The following LMNTD1 variants were observed in gnomAD, a reference collection of about 807,000 sequenced individuals.
The protein encoded by LMNTD1 is lamin tail domain containing 1.
LMNTD1 carries 35 observed loss-of-function variants against 50.9 expected under a neutral mutation model. That is an observed-to-expected ratio of 0.69 (90% CI 0.53 to 0.91). LMNTD1 has a LOEUF of 0.91. Among genes scored for constraint, LMNTD1 ranks in the 40% least tolerant of loss-of-function variants. LMNTD1 has a pLI of 0.00. For missense variants in LMNTD1, 470 were observed against 475.5 expected, an observed-to-expected ratio of 0.99 and a Z score of 0.11; for synonymous variants, 153 against 161.9, an observed-to-expected ratio of 0.94 and a Z score of 0.42.
chr12:25,642,641 C>A (rs979241580), intron 1 of LMNTD1, among the ~76,000 whole-genome samples: 1 of 152,224 alleles, frequency 6.6e-6, no homozygotes, highest in African/African-American at 2.4e-5. Context: ...TAGCTTTATT[C>A]TCCAAATATA....
intron 1 of LMNTD1, among the ~76,000 whole-genome samples, chr12:25,577,546 T>C (rs1209013894): frequency 6.6e-6 from 1 of 152,200 alleles, no homozygotes; most frequent in Non-Finnish European, 1.5e-5. Flanking sequence ...ACCCTGAGAC[T>C]TTGCTGAAGT....
intron 9 of LMNTD1, among the ~76,000 whole-genome samples, chr12:25,483,317 G>A (rs772618822): frequency 1.9e-4 from 29 of 151,648 alleles, no homozygotes; most frequent in African/African-American, 4.4e-4. Context: ...CCAGCTACTC[G>A]GGAGGCTGAG....
In LMNTD1 at chr12:25,604,389, G is replaced by A. The variant is rs4611292; in HGVS notation, c.58+44105C>T. On this transcript the variant is annotated intron_variant, in intron 1 of 7. Coordinates refer to the LMNTD1 transcript ENST00000445693. Reference sequence around the variant, plus strand: ...ATACTTTAAGTTTTAGGGCACATGTGCACAACGTGCAGGTTTGTTACATAT... The same window carrying A: ...ATACTTTAAGTTTTAGGGCACATGTACACAACGTGCAGGTTTGTTACATAT... Among the ~76,000 whole-genome samples, 952 of 152,100 alleles carry A rather than the reference G, an allele frequency of 6.3e-3. 35 individuals carry two copies. Among genetic ancestry groups the A allele is most frequent in the Admixed American group, 0.059 (895 of 15,280 alleles).
At chr12:25,547,922 C>T (rs1943525401) in intron 3 of LMNTD1, among the ~76,000 whole-genome samples, 1 of 151,774 alleles carries the variant, frequency 6.6e-6, no homozygotes, top group Admixed American at 6.6e-5. Flanking sequence ...AAGACTACAT[C>T]CCAATTCAGC....
rs184398446 is a variant in LMNTD1 at position 25,594,073 on chromosome 12, C to T, written c.59-47519G>A. Among the ~76,000 whole-genome samples, 212 of 152,118 alleles carry T rather than the reference C, an allele frequency of 1.4e-3. 3 individuals are homozygous for T. Among genetic ancestry groups the T allele is most frequent in the Middle Eastern group, 6.8e-3 (2 of 294 alleles). ...AGCCTCCAAGAAGTCTGGGATTAAACGACCAAACCTAACAATAATTGGTGT... is the reference window on the plus strand; with the variant it reads ...AGCCTCCAAGAAGTCTGGGATTAAATGACCAAACCTAACAATAATTGGTGT... On this transcript the variant is annotated intron_variant, in intron 1 of 7. Coordinates refer to the LMNTD1 transcript ENST00000445693.
chr12:25,593,351 G>A (rs1945757018), intron 1 of LMNTD1, among the ~76,000 whole-genome samples: 1 of 152,128 alleles, frequency 6.6e-6, no homozygotes, highest in Non-Finnish European at 1.5e-5. Flanking sequence ...TGGCATCCAT[G>A]GCTGAGAGAT....
chr12:25,606,979 G>T (rs2136524792), intron 1 of LMNTD1, among the ~76,000 whole-genome samples: 1 of 152,068 alleles, frequency 6.6e-6, no homozygotes, highest in East Asian at 1.9e-4. Context: ...TTTTTGGTTG[G>T]TAGGCTATTA....
At chr12:25,570,419 A>G (rs1944739266) in intron 1 of LMNTD1, among the ~76,000 whole-genome samples, 1 of 152,216 alleles carries the variant, frequency 6.6e-6, no homozygotes, top group Non-Finnish European at 1.5e-5. Context: ...AGAGAACAGG[A>G]AGGAAAGCAT....
chr12:25,513,528 C>T (rs1162539125), intron 8 of LMNTD1, among the ~76,000 whole-genome samples: 2 of 152,110 alleles, frequency 1.3e-5, no homozygotes, highest in African/African-American at 4.8e-5. Flanking sequence ...TTCAGCTACT[C>T]GGGAGGCTGA....
chr12:25,550,679 T>C (rs1334913631), intron 2 of LMNTD1, among the ~76,000 whole-genome samples: 1 of 152,210 alleles, frequency 6.6e-6, no homozygotes, highest in Non-Finnish European at 1.5e-5. Context: ...TGGAGTTTCC[T>C]ACTCTGCCAT....
intron 1 of LMNTD1, among the ~76,000 whole-genome samples, chr12:25,581,460 C>T (rs1354984835): frequency 1.3e-5 from 2 of 151,970 alleles, no homozygotes; most frequent in South Asian, 2.1e-4. Flanking sequence ...TTAGGAAAGG[C>T]GATTCTAAGA....
intron 9 of LMNTD1, among the ~76,000 whole-genome samples, chr12:25,488,749 C>T (rs1002938412): frequency 4.6e-5 from 7 of 152,344 alleles, no homozygotes; most frequent in African/African-American, 1.7e-4. Context: ...CTGATTTTCC[C>T]CATCTTTGTG....
At chr12:25,545,492 A>G (rs1486331515) in intron 4 of LMNTD1, among the ~76,000 whole-genome samples, 1 of 151,580 alleles carries the variant, frequency 6.6e-6, no homozygotes, top group Non-Finnish European at 1.5e-5. Flanking sequence ...TTGGCACTGT[A>G]TATTTGTTTT....
intron 1 of LMNTD1, among the ~76,000 whole-genome samples, chr12:25,562,494 C>T (rs561309592): frequency 1.2e-4 from 19 of 152,300 alleles, no homozygotes; most frequent in South Asian, 2.1e-4. Context: ...AGAGTTTCTG[C>T]GGGGACATCC....
chr12:25,513,107 C>T (rs1330624817), intron 8 of LMNTD1, among the ~76,000 whole-genome samples: 9 of 152,120 alleles, frequency 5.9e-5, no homozygotes, highest in South Asian at 4.1e-4. Context: ...AGAACATTCC[C>T]CCAAATTTGT....
At chr12:25,599,761 A>T (rs1035930061) in intron 1 of LMNTD1, among the ~76,000 whole-genome samples, 5 of 151,970 alleles carry the variant, frequency 3.3e-5, no homozygotes, top group African/African-American at 1.2e-4. Context: ...TGCTATAATA[A>T]ATAAAAACTA....
intron 8 of LMNTD1, among the ~76,000 whole-genome samples, chr12:25,509,165 TG>T (rs1940062168): frequency 6.6e-6 from 1 of 152,228 alleles, no homozygotes; most frequent in Admixed American, 6.5e-5. Flanking sequence ...TGGAGTGCAA[TG>T]GCGTGATCTC....
intron 4 of LMNTD1, among the ~76,000 whole-genome samples, chr12:25,545,332 T>C (rs1283153529): frequency 1.3e-5 from 2 of 151,702 alleles, no homozygotes; most frequent in Non-Finnish European, 3.0e-5. Flanking sequence ...AGACAAATTC[T>C]TTTCTCTCAC....
At chr12:25,515,665 T>G (rs1435813440) in intron 8 of LMNTD1, among the ~76,000 whole-genome samples, 1 of 152,124 alleles carries the variant, frequency 6.6e-6, no homozygotes, top group African/African-American at 2.4e-5. Flanking sequence ...CTTGCTGTAT[T>G]TTAACATGTT....
Sources: allele counts gnomAD v4.1 joint callset (sites outside exome capture counted in the v4.1 genomes callset), GRCh38; gene constraint gnomAD v4.1.1; transcripts MANE v1.5; gene names NCBI Gene and HGNC (gene_info 2026-07-23, HGNC 2026-07-21).